The following ZNF804A variants were observed in gnomAD, a reference collection of about 807,000 sequenced individuals.
The protein encoded by ZNF804A is zinc finger protein 804A.
Under a neutral mutation model 16.5 loss-of-function variants are expected in ZNF804A, and 2 were observed. That is an observed-to-expected ratio of 0.12 (90% CI 0.05 to 0.38). The LOEUF (loss-of-function observed/expected upper bound fraction) is 0.38, where lower values mean the gene tolerates loss of function less well. ZNF804A is among the 10% of genes least tolerant of loss of function. ZNF804A has a pLI of 0.99. For missense variants in ZNF804A, 1,473 were observed against 1,390.7 expected (o/e 1.06, Z -0.94); for synonymous variants, 534 against 489.6 (o/e 1.09, Z -1.20).
intron 1 of ZNF804A, among the ~76,000 whole-genome samples, chr2:184,853,282 A>G (rs1695633784): frequency 6.6e-6 from 1 of 151,958 alleles, no homozygotes. Flanking sequence ...GATTGCATAT[A>G]CTACAACTTT....
At position 184,939,042 on chromosome 2, in the gene ZNF804A, G is replaced by GA. The variant is rs747215976; in HGVS notation, c.*23dup. ...TCTCTTCTAGTCATCACCATAATGG[G>GA]AAAAAAATACTCTTGTGAAAACTAT... is the stretch of plus-strand genomic sequence containing the variant. On this transcript the variant is annotated 3_prime_UTR_variant, in exon 4 of 4. Transcript: ENST00000302277. The GA allele has an allele frequency of 6.2e-6, 10 of 1,603,268 alleles. No individual in the cohort carries two copies. In the African/African-American group the frequency reaches 6.7e-5, roughly 11 times the overall value.
At chr2:184,810,521 C>T (rs927132745) in intron 1 of ZNF804A, among the ~76,000 whole-genome samples, 6 of 117,440 alleles carry the variant, frequency 5.1e-5, no homozygotes, top group African/African-American at 2.0e-4. Context: ...GACGGAGTCT[C>T]ACTCTGTCGC....
intron 1 of ZNF804A, among the ~76,000 whole-genome samples, chr2:184,829,127 A>T (rs1695219596): frequency 6.6e-6 from 1 of 151,202 alleles, no homozygotes; most frequent in Non-Finnish European, 1.5e-5. Flanking sequence ...CATGTATCAT[A>T]TATTATTTAT....
chr2:184,858,510 A>G (rs916045866), intron 1 of ZNF804A, among the ~76,000 whole-genome samples: 3 of 151,848 alleles, frequency 2.0e-5, no homozygotes, highest in Non-Finnish European at 2.9e-5. Context: ...TCTCAAAAAA[A>G]AAAAAAAAAG....
At chr2:184,751,442 GGGCATTGACTTT>G (rs1693877117) in intron 1 of ZNF804A, among the ~76,000 whole-genome samples, 1 of 151,438 alleles carries the variant, frequency 6.6e-6, no homozygotes, top group South Asian at 2.1e-4. Flanking sequence ...TAAGAGTTCT[GGGCATTGACTTT>G]GGCAGTAATT....
chr2:184,899,143 A>G (rs577199540), intron 2 of ZNF804A, among the ~76,000 whole-genome samples: 2 of 152,084 alleles, frequency 1.3e-5, no homozygotes, highest in Non-Finnish European at 1.5e-5. Flanking sequence ...ATCATCTTAC[A>G]TGGGCTTCTG....
chr2:184,811,576 G>A (rs1042684838), intron 1 of ZNF804A, among the ~76,000 whole-genome samples: 3 of 152,046 alleles, frequency 2.0e-5, no homozygotes, highest in Non-Finnish European at 2.9e-5. Context: ...AGCCAGGTGT[G>A]GTGTTGCACA....
At chr2:184,788,420 T>A (rs149422130) in intron 1 of ZNF804A, among the ~76,000 whole-genome samples, 286 of 152,120 alleles carry the variant, frequency 1.9e-3, no homozygotes, top group Non-Finnish European at 2.8e-3. Flanking sequence ...TCTAGATTAC[T>A]TCGGGTAGAA....
chr2:184,820,424 A>T (rs184134746), intron 1 of ZNF804A, among the ~76,000 whole-genome samples: 1 of 152,112 alleles, frequency 6.6e-6, no homozygotes, highest in African/African-American at 2.4e-5. Context: ...CCTCAAAATA[A>T]TAAGCGCCAT....
intron 1 of ZNF804A, among the ~76,000 whole-genome samples, chr2:184,700,761 G>A (rs1410666782): frequency 6.6e-6 from 1 of 152,004 alleles, no homozygotes. Context: ...TGTTATCTAA[G>A]TTAAAACTGC....
At chr2:184,762,337 T>G (rs1004232189) in intron 1 of ZNF804A, among the ~76,000 whole-genome samples, 1 of 151,958 alleles carries the variant, frequency 6.6e-6, no homozygotes, top group African/African-American at 2.4e-5. Context: ...AAATATTTGT[T>G]ATAATCAGGT....
At chr2:184,859,194 A>G (rs1378234334) in intron 1 of ZNF804A, among the ~76,000 whole-genome samples, 1 of 152,006 alleles carries the variant, frequency 6.6e-6, no homozygotes, top group Non-Finnish European at 1.5e-5. Flanking sequence ...TTTAAAAGTA[A>G]TCTTTCTACC....
At chr2:184,920,055 C>A (rs542205122) in intron 2 of ZNF804A, among the ~76,000 whole-genome samples, 1 of 152,072 alleles carries the variant, frequency 6.6e-6, no homozygotes, top group Non-Finnish European at 1.5e-5. Flanking sequence ...GAGGAGGTTG[C>A]GGTGAGCCTA....
At chr2:184,712,881 TG>T in intron 1 of ZNF804A, among the ~76,000 whole-genome samples, 1 of 151,780 alleles carries the variant, frequency 6.6e-6, no homozygotes, top group Non-Finnish European at 1.5e-5. Flanking sequence ...TTCTGCCCTT[TG>T]TTGATATCCT....
chr2:184,678,389 A>G (rs779300866), intron 1 of ZNF804A, among the ~76,000 whole-genome samples: 8 of 152,130 alleles, frequency 5.3e-5, no homozygotes, highest in Non-Finnish European at 1.2e-4. Flanking sequence ...TTTCTGTATT[A>G]TCATGCTTAT....
At chr2:184,793,197 CAT>C (rs1694577569) in intron 1 of ZNF804A, among the ~76,000 whole-genome samples, 1 of 151,992 alleles carries the variant, frequency 6.6e-6, no homozygotes, top group South Asian at 2.1e-4. Context: ...GGGTTGATTC[CAT>C]GTCTTTGCTA....
rs776042487 is a variant in ZNF804A, at chr2:184,938,349, A to C, written c.2953A>C (p.Asn985His). 3 of 1,614,178 alleles carry C rather than the reference A, an allele frequency of 1.9e-6. No individual in the cohort carries two copies. In the East Asian group the frequency reaches 6.7e-5, roughly 36 times the overall value. Residue 985 changes from asparagine (N) to histidine (H), a missense_variant, in exon 4 of 4, where the codon AAT becomes CAT. Asn to His is a moderately conservative substitution (Grantham distance 68, BLOSUM62 1). Coordinates refer to ENST00000302277, the MANE Select transcript of ZNF804A (RefSeq NM_194250.2). ...LAEALPQGKMNETPTEWLRYN... is the reference protein window; with the variant it reads ...LAEALPQGKMHETPTEWLRYN... ...TGAGGCCCTTCCACAAGGAAAGATG[A>C]ATGAGACACCAACTGAGTGGCTGCG...
At chr2:184,903,832 C>T (rs10931155) in intron 2 of ZNF804A, among the ~76,000 whole-genome samples, 1 of 151,866 alleles carries the variant, frequency 6.6e-6, no homozygotes, top group African/African-American at 2.4e-5. Context: ...ATATCCATCA[C>T]TGCCAGAAAT....
chr2:184,762,799 A>G (rs1459284984), intron 1 of ZNF804A, among the ~76,000 whole-genome samples: 2 of 152,068 alleles, frequency 1.3e-5, no homozygotes, highest in Non-Finnish European at 2.9e-5. Flanking sequence ...ATTCTGCCCA[A>G]TTTCAATATT....
Sources: gnomAD v4.1 joint callset for allele counts (sites outside exome capture counted in the v4.1 genomes callset) on GRCh38, gnomAD v4.1.1 for gene constraint, MANE v1.5 for transcripts, NCBI Gene and HGNC (gene_info 2026-07-23, HGNC 2026-07-21) for gene names.